The following KIAA1217 variants were observed in gnomAD, a reference collection of about 807,000 sequenced individuals.
KIAA1217 encodes sickle tail protein homolog.
Under a neutral mutation model 163.9 loss-of-function variants are expected in KIAA1217, and 88 were observed. The ratio of observed to expected loss-of-function variants is 0.54; its 90% CI spans 0.45 to 0.64. KIAA1217 has a LOEUF of 0.64. Among genes scored for constraint, KIAA1217 ranks in the 30% least tolerant of loss-of-function variants. The pLI is 0.00. For synonymous variants in KIAA1217, 903 were observed against 923.1 expected, an observed-to-expected ratio of 0.98 and a Z score of 0.39; for missense variants, 2,372 against 2,475.0, an observed-to-expected ratio of 0.96 and a Z score of 0.88.
chr10:23,821,329 G>A (rs564447057), intron 1 of KIAA1217, among the ~76,000 whole-genome samples: 1 of 152,176 alleles, frequency 6.6e-6, no homozygotes, highest in African/African-American at 2.4e-5. Flanking sequence ...CACTGATTTG[G>A]ACATGGTCAC....
At chr10:24,005,918 C>T (rs148676851) in intron 1 of KIAA1217, among the ~76,000 whole-genome samples, 5 of 152,156 alleles carry the variant, frequency 3.3e-5, no homozygotes, top group Non-Finnish European at 5.9e-5. Flanking sequence ...GAGCTGGGAC[C>T]CTATCCTCTA....
intron 2 of KIAA1217, among the ~76,000 whole-genome samples, chr10:24,242,934 TG>T (rs1309698752): frequency 6.6e-6 from 1 of 152,194 alleles, no homozygotes; most frequent in African/African-American, 2.4e-5. Flanking sequence ...TTAATGGGGT[TG>T]TTTTTTGCTT....
chr10:23,939,580 A>T (rs946526288), intron 1 of KIAA1217, among the ~76,000 whole-genome samples: 9 of 152,048 alleles, frequency 5.9e-5, no homozygotes, highest in Non-Finnish European at 1.3e-4. Flanking sequence ...TGGATCAGTC[A>T]TCAGGAGGAC....
rs1234558243 is a variant in KIAA1217 at position 24,501,558 on chromosome 10, C to A, written c.2001+13C>A. ...GCGGCAGCTCCAGGTATTCCTCATG[C>A]ACGGCGGCCTCTGTCTCGGTTGCCC... On this transcript the variant is annotated intron_variant, in intron 9 of 20. Coordinates refer to ENST00000376454, the MANE Select transcript of KIAA1217 (RefSeq NM_019590.5). 1 of 1,608,492 alleles carries A rather than the reference C, an allele frequency of 6.2e-7. No individual in the cohort carries two copies. Among genetic ancestry groups the A allele is most frequent in the Admixed American group, 1.7e-5 (1 of 59,912 alleles).
chr10:24,445,104 C>G (rs1260169194), intron 5 of KIAA1217, among the ~76,000 whole-genome samples: 10 of 152,160 alleles, frequency 6.6e-5, no homozygotes, highest in Non-Finnish European at 1.5e-4. Context: ...GTGTTAAGTA[C>G]TTTACATATT....
intron 3 of KIAA1217, among the ~76,000 whole-genome samples, chr10:24,387,365 A>G (rs964229189): frequency 6.6e-6 from 1 of 152,230 alleles, no homozygotes; most frequent in Non-Finnish European, 1.5e-5. Flanking sequence ...CCTTCATGCT[A>G]AAAACTTTCA....
At chr10:23,862,470 T>C (rs1323341994) in intron 1 of KIAA1217, among the ~76,000 whole-genome samples, 1 of 152,180 alleles carries the variant, frequency 6.6e-6, no homozygotes, top group African/African-American at 2.4e-5. Flanking sequence ...ACCAAACACA[T>C]GTTGTTCTTG....
At chr10:24,367,065 A>G (rs767278884) in intron 2 of KIAA1217, 72 of 677,444 alleles carry the variant, frequency 1.1e-4, no homozygotes, top group Non-Finnish European at 1.2e-4. Context: ...TTTTCTCTTC[A>G]TGTTTTCACC....
upstream of KIAA1217, among the ~76,000 whole-genome samples, chr10:24,208,612 T>TC (rs1395560051): frequency 6.6e-6 from 1 of 150,954 alleles, no homozygotes; most frequent in Middle Eastern, 3.2e-3. Flanking sequence ...TGTTTGGGAT[T>TC]TTTTTTTAAG....
intron 13 of KIAA1217, 60 bp downstream of exon 13, chr10:24,524,824 C>A: frequency 7.2e-7 from 1 of 1,384,832 alleles, no homozygotes; most frequent in Non-Finnish European, 9.9e-7. Context: ...TGGACCTTTC[C>A]CTTAAAGCAT....
intron 2 of KIAA1217, among the ~76,000 whole-genome samples, chr10:24,089,123 C>T (rs1003779627): frequency 8.0e-6 from 1 of 125,028 alleles, no homozygotes; most frequent in African/African-American, 2.5e-5. Context: ...ATATCCTTCG[C>T]CCAGTTGCTG....
At chr10:24,132,778 C>T (rs140604390) in intron 2 of KIAA1217, among the ~76,000 whole-genome samples, 1 of 152,290 alleles carries the variant, frequency 6.6e-6, no homozygotes, top group East Asian at 1.9e-4. Context: ...AGGATAATTT[C>T]TATTTTCAAA....
chr10:24,015,027 G>T (rs573843583), intron 2 of KIAA1217, among the ~76,000 whole-genome samples: 1 of 152,056 alleles, frequency 6.6e-6, no homozygotes, highest in Non-Finnish European at 1.5e-5. Flanking sequence ...CCCTAAAAAA[G>T]CATGTAGTTA....
chr10:23,979,522 T>G (rs1020169651), intron 1 of KIAA1217, among the ~76,000 whole-genome samples: 2 of 152,262 alleles, frequency 1.3e-5, no homozygotes, highest in Admixed American at 1.3e-4. Flanking sequence ...TTCTTTTTTT[T>G]CTGACTTAGG....
chr10:23,813,394 G>T lies in KIAA1217; in HGVS notation c.-321+118160G>T, dbSNP rs117374452. Among the ~76,000 whole-genome samples the T allele has an allele frequency of 1.2e-3, 180 of 151,622 alleles. 13 individuals carry two copies. The East Asian group carries it at 0.028, about 24-fold the overall frequency. On this transcript the variant is annotated intron_variant, in intron 1 of 18. Coordinates refer to the KIAA1217 transcript ENST00000376462. ...TATTTTTTTGTTTTGTGTCACTATA[G>T]TCCTTTTTATGCACATAAACCTTGT...
chr10:24,229,970 C>T (rs1335771313), intron 2 of KIAA1217, among the ~76,000 whole-genome samples: 1 of 151,946 alleles, frequency 6.6e-6, no homozygotes, highest in Non-Finnish European at 1.5e-5. Flanking sequence ...CTACCTATTC[C>T]TCAAAAACGT....
At chr10:24,528,796 G>T (rs1158409495) in intron 14 of KIAA1217, among the ~76,000 whole-genome samples, 1 of 152,048 alleles carries the variant, frequency 6.6e-6, no homozygotes, top group Admixed American at 6.6e-5. Context: ...TTTAAGACAA[G>T]AGCTTTTGCA....
intron 2 of KIAA1217, among the ~76,000 whole-genome samples, chr10:24,354,845 T>C (rs1160204789): frequency 6.7e-6 from 1 of 149,816 alleles, no homozygotes. Context: ...AAAGGCAACA[T>C]TTGGGCACAA....
chr10:24,084,634 A>C (rs571074283), intron 2 of KIAA1217, among the ~76,000 whole-genome samples: 10 of 152,340 alleles, frequency 6.6e-5, no homozygotes, highest in African/African-American at 2.4e-4. Flanking sequence ...AGTCACAAAA[A>C]GCCACACAGA....
Sources: allele counts gnomAD v4.1 joint callset (sites outside exome capture counted in the v4.1 genomes callset), GRCh38; gene constraint gnomAD v4.1.1; transcripts MANE v1.5; gene names NCBI Gene and HGNC (gene_info 2026-07-23, HGNC 2026-07-21).